BNC2: variants seen among roughly 807,000 people sequenced by gnomAD.
BNC2 encodes the protein basonuclin zinc finger protein 2.
Under a neutral mutation model 76.3 loss-of-function variants are expected in BNC2, and 20 were observed. The observed-to-expected ratio is 0.26, with a 90% CI of 0.18 to 0.38. BNC2 has a LOEUF of 0.38. BNC2 is among the 10% of genes least tolerant of loss of function. The pLI, the probability that BNC2 is intolerant of heterozygous loss-of-function variation, is 1.00. For synonymous variants in BNC2, 582 were observed against 514.8 expected, an observed-to-expected ratio of 1.13 and a Z score of -1.77; for missense variants, 1,382 against 1,399.8, an observed-to-expected ratio of 0.99 and a Z score of 0.20.
intron 3 of BNC2, among the ~76,000 whole-genome samples, chr9:16,618,822 G>T (rs189021924): frequency 2.4e-4 from 37 of 152,274 alleles, no homozygotes; most frequent in Admixed American, 1.3e-3. Context: ...CATAAAGGTG[G>T]AGGACAACAG....
chr9:16,533,786 G>C (rs1341818714), intron 5 of BNC2, among the ~76,000 whole-genome samples: 1 of 152,138 alleles, frequency 6.6e-6, no homozygotes, highest in Non-Finnish European at 1.5e-5. Flanking sequence ...CCAACAAGGA[G>C]ATAATTAGGC....
intron 1 of BNC2, among the ~76,000 whole-genome samples, chr9:16,752,158 G>A (rs144509318): frequency 4.6e-5 from 7 of 151,744 alleles, no homozygotes; most frequent in African/African-American, 1.2e-4. Flanking sequence ...GAGATCCGAA[G>A]ATAAACTGGG....
chr9:16,718,691 A>G (rs1417047360), intron 3 of BNC2, among the ~76,000 whole-genome samples: 1 of 152,222 alleles, frequency 6.6e-6, no homozygotes, highest in East Asian at 1.9e-4. Context: ...TAGTCAAGAA[A>G]GGAAAAAGGC....
intron 5 of BNC2, among the ~76,000 whole-genome samples, chr9:16,475,706 T>A (rs966044434): frequency 6.6e-6 from 1 of 152,158 alleles, no homozygotes; most frequent in Admixed American, 6.5e-5. Context: ...AGATTGCAGG[T>A]TGGGAATACT....
chr9:16,651,738 G>A (rs896501448), intron 3 of BNC2, among the ~76,000 whole-genome samples: 4 of 152,152 alleles, frequency 2.6e-5, no homozygotes, highest in African/African-American at 9.7e-5. Flanking sequence ...CTGCATATGA[G>A]ATAGTGATTT....
chr9:16,663,913 C>T (rs879521438), intron 3 of BNC2, among the ~76,000 whole-genome samples: 1 of 152,160 alleles, frequency 6.6e-6, no homozygotes, highest in Non-Finnish European at 1.5e-5. Flanking sequence ...TGCCTAGAGT[C>T]TACCTATAAA....
intron 5 of BNC2, among the ~76,000 whole-genome samples, chr9:16,461,606 C>T (rs1409588800): frequency 6.6e-5 from 4 of 60,616 alleles, no homozygotes; most frequent in African/African-American, 1.3e-4. Flanking sequence ...TGGGGGGTGG[C>T]GGGGGGAGTT....
At chr9:16,740,968 A>T (rs930172032) in intron 1 of BNC2, among the ~76,000 whole-genome samples, 7 of 152,136 alleles carry the variant, frequency 4.6e-5, no homozygotes, top group Non-Finnish European at 7.3e-5. Context: ...TTTATTACCA[A>T]TTTTTTCCAC....
At chr9:16,450,613 C>A (rs944656390) in intron 5 of BNC2, among the ~76,000 whole-genome samples, 7 of 152,214 alleles carry the variant, frequency 4.6e-5, no homozygotes, top group African/African-American at 1.7e-4. Context: ...CTTATGACAG[C>A]CACAGGTTTG....
chr9:16,499,545 TTTGAGACAGA>T (rs1822475138), intron 5 of BNC2, among the ~76,000 whole-genome samples: 1 of 149,644 alleles, frequency 6.7e-6, no homozygotes, highest in Non-Finnish European at 1.5e-5. Context: ...TTTTTTTTTT[TTTGAGACAGA>T]GTCTCACTCT....
chr9:16,695,919 A>G (rs951800161), intron 3 of BNC2, among the ~76,000 whole-genome samples: 20 of 152,078 alleles, frequency 1.3e-4, no homozygotes, highest in Middle Eastern at 3.2e-3. Flanking sequence ...GGATTTTTCT[A>G]TATTTTTCAA....
At chr9:16,575,513 GCACCATC>G (rs2132931583) in intron 4 of BNC2, 2 of 867,444 alleles carry the variant, frequency 2.3e-6, no homozygotes, top group South Asian at 1.1e-4. Flanking sequence ...GGAGTGCAAA[GCACCATC>G]CAAAAAGTGT....
chr9:16,831,020 C>T (rs544137050), intron 1 of BNC2, among the ~76,000 whole-genome samples: 1 of 152,292 alleles, frequency 6.6e-6, no homozygotes, highest in African/African-American at 2.4e-5. Flanking sequence ...ATCCTCTCAA[C>T]GAAAACGTCA....
At position 16,537,197 on chromosome 9, in the gene BNC2, C is replaced by G. The variant is rs544249737; in HGVS notation, c.669+15333G>C. ...TACATTTATTCTGCAGGAAAATATGCTTTAATTTTCTGAATGTCATTTCAA... is the reference window on the plus strand; with the variant it reads ...TACATTTATTCTGCAGGAAAATATGGTTTAATTTTCTGAATGTCATTTCAA... On this transcript the variant is annotated intron_variant, in intron 5 of 6. Coordinates refer to ENST00000380672, the MANE Select transcript of BNC2 (RefSeq NM_017637.6). 1.4e-4 allele frequency among the ~76,000 whole-genome samples: 21 copies of G among 152,170 alleles called. No homozygotes were observed. In the South Asian group the frequency reaches 4.1e-3, roughly 30 times the overall value.
rs528926452 is a variant in BNC2 at position 16,572,076 on chromosome 9, C to T, written c.433+10907G>A. Among the ~76,000 whole-genome samples, 8 of 151,790 alleles carry T rather than the reference C, an allele frequency of 5.3e-5. No homozygotes were observed. In the East Asian group the frequency reaches 1.2e-3, roughly 22 times the overall value. ...GAAAACACGATTAGCCAAAAGGAGG[C>T]GGGTGGGTAATGTCTTACCCTCAGA... On this transcript the variant is annotated intron_variant, in intron 4 of 6. Coordinates refer to ENST00000380672, the MANE Select transcript of BNC2 (RefSeq NM_017637.6).
chr9:16,793,610 A>G (rs1276154070), intron 1 of BNC2, among the ~76,000 whole-genome samples: 2 of 136,056 alleles, frequency 1.5e-5, no homozygotes, highest in Non-Finnish European at 3.1e-5. Context: ...CCAATTCTAG[A>G]TTTCGATCCC....
intron 5 of BNC2, among the ~76,000 whole-genome samples, chr9:16,534,672 G>T (rs904268536): frequency 6.6e-6 from 1 of 152,058 alleles, no homozygotes; most frequent in Non-Finnish European, 1.5e-5. Context: ...TCTATAAGAA[G>T]TACAGAGAAA....
chr9:16,456,389 G>C (rs1358570771), intron 5 of BNC2, among the ~76,000 whole-genome samples: 1 of 151,992 alleles, frequency 6.6e-6, no homozygotes, highest in East Asian at 1.9e-4. Flanking sequence ...CAAAGTTTAT[G>C]TGAGGTGAAC....
chr9:16,780,255 A>C (rs1428478662), intron 1 of BNC2, among the ~76,000 whole-genome samples: 1 of 135,402 alleles, frequency 7.4e-6, no homozygotes, highest in African/African-American at 3.1e-5. Context: ...AAAAAAAAAA[A>C]ACAAAAAAAA....
Sources: gnomAD v4.1 joint callset for allele counts (sites outside exome capture counted in the v4.1 genomes callset) on GRCh38, gnomAD v4.1.1 for gene constraint, MANE v1.5 for transcripts, NCBI Gene and HGNC (gene_info 2026-07-23, HGNC 2026-07-21) for gene names.